The following NOTCH2NLR variants were observed in gnomAD, a reference collection of about 807,000 sequenced individuals.
The protein encoded by NOTCH2NLR is notch 2 N-terminal like R (pseudogene).
Under a neutral mutation model 35.6 loss-of-function variants are expected in NOTCH2NLR, and 33 were observed. The ratio of observed to expected loss-of-function variants is 0.93; its 90% CI spans 0.70 to 1.24. The LOEUF is 1.24. NOTCH2NLR is among the 50% of genes most tolerant of loss of function. The pLI is 0.00. For synonymous variants in NOTCH2NLR, 103 were observed against 141.0 expected (o/e 0.73, Z 1.91); for missense variants, 276 against 362.2 (o/e 0.76, Z 1.93).
At chr1:120,754,822 A>G (rs1335208707) in intron 1 of NOTCH2NLR, among the ~76,000 whole-genome samples, 1 of 113,956 alleles carries the variant, frequency 8.8e-6, no homozygotes, top group Non-Finnish European at 1.7e-5. Flanking sequence ...TTAGAAAAGT[A>G]CAATTCTACT....
chr1:120,727,432 A>G lies in NOTCH2NLR; in HGVS notation c.73+3182A>G, dbSNP rs1258315403. 1.7e-5 allele frequency among the ~76,000 whole-genome samples: 2 copies of G among 115,934 alleles called. 1 individual carries two copies. The allele number at this position is 115,934 out of a possible 152,430, so 76.1% of individuals were successfully genotyped here. ...AAATTGCTAACATAAGAGATATAGAATATAATGTCATTTCTTCTGTTTATC... is the reference window on the plus strand; with the variant it reads ...AAATTGCTAACATAAGAGATATAGAGTATAATGTCATTTCTTCTGTTTATC... On this transcript the variant is annotated intron_variant, in intron 1 of 4. Transcript: ENST00000624419.
rs1651158072 is a variant in NOTCH2NLR, at chr1:120,763,706, G to A, written c.152G>A (p.Cys51Tyr). 16 of 1,332,000 alleles carry A rather than the reference G, an allele frequency of 1.2e-5. 2 individuals are homozygous for A. In the East Asian group the frequency reaches 2.4e-4, roughly 20 times the overall value. 82.5% of individuals were successfully genotyped at this position (1,332,000 alleles called of 1,614,324 possible). A position where few individuals can be genotyped will look rare whatever the true frequency, so the allele number is the denominator to read the frequency against. ...ACCTACCACAGTGGCACAGGATACT[G>A]CAAGTAAGTTTTTCTCTTCATATAT... Residue 51 changes from cysteine (C) to tyrosine (Y), a missense_variant, in exon 2 of 5, where the codon TGC (cysteine) becomes TAC (tyrosine). By Grantham distance (194) the Cys-to-Tyr change is radical. Transcript: ENST00000624419.
rs1406783516 is a variant in NOTCH2NLR, at chr1:120,742,268, A to G, written c.73+18018A>G. 2.4e-4 allele frequency among the ~76,000 whole-genome samples: 4 copies of G among 16,666 alleles called. 1 individual carries two copies. The Middle Eastern group carries it at 0.095, about 397-fold the overall frequency. The allele number at this position is 16,666 out of a possible 152,430, so 10.9% of individuals were successfully genotyped here. On this transcript the variant is annotated intron_variant, in intron 1 of 4. Coordinates refer to ENST00000624419, the Ensembl canonical transcript of NOTCH2NLR. ...TTTAAATTTCAAATTAAAAAATTTG[A>G]ATATCTGAATTAAGTATCTCTGATT...
rs1651480282 is a variant in NOTCH2NLR at position 120,790,589 on chromosome 1, TTTC to T, written c.416-2570_416-2568del. On this transcript the variant is annotated intron_variant, in intron 3 of 4. Coordinates refer to ENST00000624419, the Ensembl canonical transcript of NOTCH2NLR. The stretch of plus-strand genomic sequence containing the variant: ...CTTTCTTTCTTTCTTTCTTTCTTTC[TTTC>T]TCTTTCTCTCTCTTTCCCTCTCTCT... 2.2e-4 allele frequency among the ~76,000 whole-genome samples: 23 copies of T among 106,912 alleles called. 1 individual carries two copies. Among genetic ancestry groups the T allele is most frequent in the Non-Finnish European group, 3.7e-4 (21 of 57,486 alleles). 70.1% of individuals were successfully genotyped at this position (106,912 alleles called of 152,430 possible). A position where few individuals can be genotyped will look rare whatever the true frequency, so the allele number is the denominator to read the frequency against.
At position 120,756,493 on chromosome 1, in the gene NOTCH2NLR, A is replaced by T. The variant is rs1196247904; in HGVS notation, c.74-7135A>T. Among the ~76,000 whole-genome samples the T allele has an allele frequency of 1.2e-3, 138 of 117,570 alleles. 51 individuals carry two copies. Among genetic ancestry groups the T allele is most frequent in the African/African-American group, 6.4e-3 (128 of 20,132 alleles). The allele number at this position is 117,570 out of a possible 152,430, so 77.1% of individuals were successfully genotyped here. On this transcript the variant is annotated intron_variant, in intron 1 of 4. Transcript: ENST00000624419. Reference sequence around the variant, plus strand: ...TCTAAGCACAGATACCACACTGCAGATAGGGAGAAGGATATGAAAAAAATC... The same window carrying T: ...TCTAAGCACAGATACCACACTGCAGTTAGGGAGAAGGATATGAAAAAAATC...
chr1:120,760,641 G>A (rs1448757578), intron 1 of NOTCH2NLR, among the ~76,000 whole-genome samples: 5 of 87,622 alleles, frequency 5.7e-5, no homozygotes, highest in African/African-American at 3.0e-4. Context: ...TTTGAGGAAC[G>A]TCTGCACTGT....
At chr1:120,759,958 C>G (rs1482832701) in intron 1 of NOTCH2NLR, among the ~76,000 whole-genome samples, 1 of 99,198 alleles carries the variant, frequency 1.0e-5, no homozygotes, top group Non-Finnish European at 1.8e-5. Context: ...TTTTTGTACC[C>G]ATTGATCATC....
Position 120,727,813 on chromosome 1 carries a change from C to T in NOTCH2NLR, c.73+3563C>T, listed in dbSNP as rs1377553634. 7.6e-5 allele frequency among the ~76,000 whole-genome samples: 9 copies of T among 117,794 alleles called. 2 individuals are homozygous for T. Among genetic ancestry groups the T allele is most frequent in the African/African-American group, 2.0e-4 (4 of 20,246 alleles). 77.3% of individuals were successfully genotyped at this position (117,794 alleles called of 152,430 possible). On this transcript the variant is annotated intron_variant, in intron 1 of 4. Transcript: ENST00000624419. ...GATTTTCCTGTTTTTGTTTCCCCCCCTTTCTCTGCAAATGACTTGAAACCA... is the reference window on the plus strand; with the variant it reads ...GATTTTCCTGTTTTTGTTTCCCCCCTTTTCTCTGCAAATGACTTGAAACCA...
chr1:120,770,420 C>T lies in NOTCH2NLR; in HGVS notation c.155+6711C>T, dbSNP rs1354829099. ...TCCTGACCTCATGATCTGCCCGCCT[C>T]GGCCTCCCAAAGTGCTGGGATTACA... On this transcript the variant is annotated intron_variant, in intron 2 of 4. Coordinates refer to ENST00000624419, the Ensembl canonical transcript of NOTCH2NLR. 5.4e-5 allele frequency among the ~76,000 whole-genome samples: 6 copies of T among 111,624 alleles called. 1 individual carries two copies. Among genetic ancestry groups the T allele is most frequent in the Non-Finnish European group, 1.0e-4 (6 of 59,556 alleles). 73.2% of individuals were successfully genotyped at this position (111,624 alleles called of 152,430 possible).
intron 1 of NOTCH2NLR, among the ~76,000 whole-genome samples, chr1:120,737,659 C>G (rs1188231866): frequency 8.7e-6 from 1 of 114,314 alleles, no homozygotes; most frequent in Non-Finnish European, 1.7e-5. Flanking sequence ...AAATAATTTG[C>G]CTGTGAACCT....
chr1:120,737,804 GT>G (rs1650921997), intron 1 of NOTCH2NLR, among the ~76,000 whole-genome samples: 1 of 119,790 alleles, frequency 8.3e-6, no homozygotes, highest in South Asian at 2.5e-4. Flanking sequence ...TTTAACATTT[GT>G]TTCCCTTGAC....
Position 120,728,405 on chromosome 1 carries a change from T to C in NOTCH2NLR, c.73+4155T>C, listed in dbSNP as rs1302202949. Among the ~76,000 whole-genome samples the C allele has an allele frequency of 1.4e-4, 15 of 109,678 alleles. 4 individuals carry two copies. Among genetic ancestry groups the C allele is most frequent in the Non-Finnish European group, 2.2e-4 (13 of 58,600 alleles). 72.0% of individuals were successfully genotyped at this position (109,678 alleles called of 152,430 possible). A position where few individuals can be genotyped will look rare whatever the true frequency, so the allele number is the denominator to read the frequency against. ...TTGGGGAAAAACCAAATTTTTCCCT[T>C]CCCCAGATGTTTCATTTAAACTTGT... On this transcript the variant is annotated intron_variant, in intron 1 of 4. Coordinates refer to ENST00000624419, the Ensembl canonical transcript of NOTCH2NLR.
chr1:120,784,310 A>T (rs1651398519), intron 2 of NOTCH2NLR, among the ~76,000 whole-genome samples: 1 of 117,362 alleles, frequency 8.5e-6, no homozygotes, highest in Admixed American at 8.2e-5. Context: ...ATATGTAAGT[A>T]TTATCCCATT....
Position 120,759,022 on chromosome 1 carries a change from C to A in NOTCH2NLR, c.74-4606C>A, listed in dbSNP as rs2101397901. ...AATTATTTTATTAATTTTTTAGCCA[C>A]CTTTCTCTTATAGAAATAAGGTTCC... On this transcript the variant is annotated intron_variant, in intron 1 of 4. Coordinates refer to ENST00000624419, the Ensembl canonical transcript of NOTCH2NLR. Among the ~76,000 whole-genome samples, 2 of 110,488 alleles carry A rather than the reference C, an allele frequency of 1.8e-5. 1 individual carries two copies. The highest frequency in any genetic ancestry group is 1.8e-4 in the Admixed American group (2 of 11,344). 72.5% of individuals were successfully genotyped at this position (110,488 alleles called of 152,430 possible).
chr1:120,738,596 T>C, intron 1 of NOTCH2NLR, among the ~76,000 whole-genome samples: 1 of 109,980 alleles, frequency 9.1e-6, no homozygotes, highest in Non-Finnish European at 1.8e-5. Context: ...TTAGATAGTG[T>C]AATTTTGTAT....
chr1:120,789,572 G>A, intron 3 of NOTCH2NLR, among the ~76,000 whole-genome samples: 1 of 98,184 alleles, frequency 1.0e-5, no homozygotes, highest in Middle Eastern at 4.4e-3. Context: ...GGAAAGACTG[G>A]CCCCCATGAT....
intron 2 of NOTCH2NLR, among the ~76,000 whole-genome samples, chr1:120,779,397 G>GA (rs1651337143): frequency 9.6e-6 from 1 of 104,514 alleles, no homozygotes; most frequent in Non-Finnish European, 1.9e-5. Context: ...GTTTAAAATG[G>GA]AAAAATGCTC....
intron 1 of NOTCH2NLR, among the ~76,000 whole-genome samples, chr1:120,759,472 T>C (rs1410716537): frequency 6.1e-5 from 4 of 65,342 alleles, no homozygotes; most frequent in Middle Eastern, 4.9e-3. Flanking sequence ...GTATGATTAA[T>C]GTTTCTTTTT....
At position 120,728,831 on chromosome 1, in the gene NOTCH2NLR, A is replaced by T. The variant is rs1249883684; in HGVS notation, c.73+4581A>T. On this transcript the variant is annotated intron_variant, in intron 1 of 4. Coordinates refer to ENST00000624419, the Ensembl canonical transcript of NOTCH2NLR. ...TATTTGCTTTTTTTTTTTTTGAACC[A>T]AGAGAGTCCCCTGAACACCCTACTG... Among the ~76,000 whole-genome samples the T allele has an allele frequency of 2.7e-5, 3 of 110,016 alleles. 1 individual carries two copies. The highest frequency in any genetic ancestry group is 1.7e-4 in the African/African-American group (3 of 17,696). 72.2% of individuals were successfully genotyped at this position (110,016 alleles called of 152,430 possible). A position where few individuals can be genotyped will look rare whatever the true frequency, so the allele number is the denominator to read the frequency against.
Sources: allele counts gnomAD v4.1 joint callset (sites outside exome capture counted in the v4.1 genomes callset), GRCh38; gene constraint gnomAD v4.1.1; transcripts MANE v1.5; gene names NCBI Gene and HGNC (gene_info 2026-07-23, HGNC 2026-07-21).